Variants in HEG1 observed in about 807,000 individuals in gnomAD.
HEG1 encodes heart development protein with EGF like domains 1, also known as protein HEG homolog 1.
HEG1 carries 56 observed loss-of-function variants against 125.6 expected under a neutral mutation model. The ratio of observed to expected loss-of-function variants is 0.45; its 90% CI spans 0.36 to 0.56. HEG1 has a LOEUF of 0.56. HEG1 is among the 20% of genes least tolerant of loss of function. The pLI is 0.00. For missense variants in HEG1, 1,523 were observed against 1,670.0 expected (o/e 0.91, Z 1.53); for synonymous variants, 644 against 668.5 (o/e 0.96, Z 0.57).
chr3:125,033,877 C>T (rs909136108), intron 1 of HEG1, among the ~76,000 whole-genome samples: 1 of 152,158 alleles, frequency 6.6e-6, no homozygotes, highest in Non-Finnish European at 1.5e-5. Flanking sequence ...TGCGCATGTG[C>T]GAAAGATCTA....
In HEG1 at chr3:124,970,817, A is replaced by G. The variant is rs1444918976; in HGVS notation, c.3997-16T>C. 4.4e-6 allele frequency: 7 copies of G among 1,597,200 alleles called. No homozygotes were observed. Among genetic ancestry groups the G allele is most frequent in the Non-Finnish European group, 6.0e-6 (7 of 1,171,380 alleles). ...CACTTGTAGGCTGGTTGCCAAAGAGAAAAGAAGAAAAGTCAATTTATCATT... is the reference window on the plus strand; with the variant it reads ...CACTTGTAGGCTGGTTGCCAAAGAGGAAAGAAGAAAAGTCAATTTATCATT... On this transcript the variant is annotated splice_polypyrimidine_tract_variant and intron_variant, in intron 16 of 16. Coordinates refer to ENST00000311127, the MANE Select transcript of HEG1 (RefSeq NM_020733.2).
In HEG1 at chr3:124,997,715, A is replaced by T. The variant is rs1457595090; in HGVS notation, c.3626T>A (p.Phe1209Tyr). 1 of 1,591,350 alleles carries T rather than the reference A, an allele frequency of 6.3e-7. No individual in the cohort carries two copies. The highest frequency in any genetic ancestry group is 2.3e-5 in the East Asian group (1 of 44,178). Reference sequence around the variant, plus strand: ...TCGGCAGGAGTGGTCCATCTTGTTGAACTGAAAGTATCCCGACTTGCACTG... The same window carrying T: ...TCGGCAGGAGTGGTCCATCTTGTTGTACTGAAAGTATCCCGACTTGCACTG... ...LCQCKSGYFQFNKMDHSCRAC... is the reference protein window; with the variant it reads ...LCQCKSGYFQYNKMDHSCRAC... Residue 1209 changes from phenylalanine (F) to tyrosine (Y), a missense_variant, in exon 12 of 17, where the codon TTC becomes TAC. Transcript: ENST00000311127.
rs1169474667 is a variant in HEG1, at chr3:125,001,843, C to T, written c.3517+9G>A. On this transcript the variant is annotated intron_variant, in intron 11 of 16. Coordinates refer to ENST00000311127, the MANE Select transcript of HEG1 (RefSeq NM_020733.2). ...TGGGTAGGATCCTCCCAGAGGGCTG[C>T]CCTCTTACCTCTAAAGATCCGCCTC... 1.2e-6 allele frequency: 2 copies of T among 1,610,866 alleles called. No individual in the cohort carries two copies. Among genetic ancestry groups the T allele is most frequent in the East Asian group, 2.2e-5 (1 of 44,826 alleles).
intron 1 of HEG1, among the ~76,000 whole-genome samples, chr3:125,054,217 G>C (rs1447239791): frequency 6.6e-6 from 1 of 152,228 alleles, no homozygotes; most frequent in Non-Finnish European, 1.5e-5. Flanking sequence ...AGCGTATGCT[G>C]TAAGTAATCT....
rs146866682 is a variant in HEG1, at chr3:125,049,288, T to C, written c.316+6287A>G. ...ATGGACCTTCACAGACCTCCACATATGATGCATAAACCATGCTATATTCAG... is the reference window on the plus strand; with the variant it reads ...ATGGACCTTCACAGACCTCCACATACGATGCATAAACCATGCTATATTCAG... On this transcript the variant is annotated intron_variant, in intron 1 of 16. Transcript: ENST00000311127. Among the ~76,000 whole-genome samples the C allele has an allele frequency of 2.0e-3, 298 of 152,284 alleles. 1 individual carries two copies. The highest frequency in any genetic ancestry group is 4.9e-3 in the Admixed American group (75 of 15,304).
rs1345339692 is a variant in HEG1, at chr3:125,013,211, T to C, written c.2368A>G (p.Ile790Val). ...AGGCTTGGTGACTTTGATTCTGTAA[T>C]GACTTTCTCTTGGTGTGGGGTGCTC... ...SQSTPHQEKVITESKSPSLVS... is the reference protein window; with the variant it reads ...SQSTPHQEKVVTESKSPSLVS... Residue 790 changes from isoleucine to valine, a missense_variant, in exon 6 of 17, where the codon ATT (isoleucine) becomes GTT (valine). By Grantham distance (29) the Ile-to-Val change is conservative (BLOSUM62 3). Transcript: ENST00000311127. 1.9e-6 allele frequency: 3 copies of C among 1,614,024 alleles called. No homozygotes were observed. The South Asian group carries it at 3.3e-5, about 18-fold the overall frequency.
chr3:125,005,168 C>G (rs1937054220), intron 9 of HEG1, 97 bp downstream of exon 9: 2 of 709,510 alleles, frequency 2.8e-6, no homozygotes, highest in African/African-American at 3.7e-5. Context: ...GTGAAGAGCC[C>G]AGGAGACACA....
chr3:125,010,618 T>A, intron 6 of HEG1, 63 bp from the exon 7 acceptor site: 1 of 953,918 alleles, frequency 1.0e-6, no homozygotes, highest in Non-Finnish European at 1.6e-6. Flanking sequence ...CAGCTTTAGG[T>A]AAATATTTAA....
intron 12 of HEG1, among the ~76,000 whole-genome samples, chr3:124,992,532 T>A (rs995660267): frequency 6.8e-6 from 1 of 146,756 alleles, no homozygotes; most frequent in African/African-American, 2.5e-5. Context: ...CAATACTTGA[T>A]GGGATGGCAG....
intron 4 of HEG1, among the ~76,000 whole-genome samples, chr3:125,019,980 C>A (rs1233798785): frequency 1.3e-5 from 2 of 152,172 alleles, no homozygotes; most frequent in Non-Finnish European, 2.9e-5. Flanking sequence ...AAACAGTTCT[C>A]ATATGAATAA....
At chr3:125,042,769 G>T (rs1579437796) in intron 1 of HEG1, among the ~76,000 whole-genome samples, 1 of 152,130 alleles carries the variant, frequency 6.6e-6, no homozygotes, top group Admixed American at 6.5e-5. Context: ...TCCTCCGGAT[G>T]AGGGGGATTT....
Position 124,970,537 on chromosome 3 carries a change from G to T in HEG1, c.*115C>A. On this transcript the variant is annotated 3_prime_UTR_variant, in exon 17 of 17. Coordinates refer to ENST00000311127, the MANE Select transcript of HEG1 (RefSeq NM_020733.2). Reference sequence around the variant, plus strand: ...GCCCCGCATGCCTGTCCCTCTTCCTGCTTGCCACTCAGCGTGGCTCCCGAC... The same window carrying T: ...GCCCCGCATGCCTGTCCCTCTTCCTTCTTGCCACTCAGCGTGGCTCCCGAC... 1.1e-6 allele frequency: 1 copy of T among 882,194 alleles called. No homozygotes were observed. Among genetic ancestry groups the T allele is most frequent in the Non-Finnish European group, 1.7e-6 (1 of 580,600 alleles). 54.6% of individuals were successfully genotyped at this position (882,194 alleles called of 1,614,324 possible). A position where few individuals can be genotyped will look rare whatever the true frequency, so the allele number is the denominator to read the frequency against.
chr3:125,040,712 T>C (rs1579436466), intron 1 of HEG1, among the ~76,000 whole-genome samples: 1 of 48,540 alleles, frequency 2.1e-5, no homozygotes, highest in East Asian at 4.8e-4. Context: ...GAAAACAGGC[T>C]TTTTTTTTTT....
chr3:125,055,773 G>A lies in HEG1; in HGVS notation c.118C>T (p.Arg40Cys). The A allele has an allele frequency of 1.0e-6, 1 of 997,124 alleles. No homozygotes were observed. 61.8% of individuals were successfully genotyped at this position (997,124 alleles called of 1,614,324 possible). ...TRDPPPSPAR[R>C]ALSLAPLAGA... The stretch of plus-strand genomic sequence containing the variant: ...GCGAGGGGCGCCAGGCTCAGCGCGC[G>A]GCGAGCCGGGGAAGGCGGCGGGTCC... The change falls in exon 1 of 17, where the codon CGC becomes TGC. Residue 40 changes from arginine (R) to cysteine (C), a missense_variant. Transcript: ENST00000311127.
At chr3:125,004,320 T>C (rs879228677) in intron 9 of HEG1, among the ~76,000 whole-genome samples, 1 of 152,242 alleles carries the variant, frequency 6.6e-6, no homozygotes, top group Non-Finnish European at 1.5e-5. Flanking sequence ...CTCTAAAGTT[T>C]TTTAATGGCA....
At chr3:125,031,080 T>TG (rs564210543) in intron 1 of HEG1, among the ~76,000 whole-genome samples, 1 of 152,082 alleles carries the variant, frequency 6.6e-6, no homozygotes, top group Non-Finnish European at 1.5e-5. Flanking sequence ...AAGTTAAAGT[T>TG]GGGGGTTAAA....
intron 7 of HEG1, 72 bp downstream of exon 7, chr3:125,010,367 G>A: frequency 1.1e-6 from 1 of 870,760 alleles, no homozygotes; most frequent in Admixed American, 2.5e-5. Context: ...CATTTTGGAG[G>A]AAAAAGGAGT....
Position 124,969,795 on chromosome 3 carries a change from C to CA in HEG1, c.*856_*857insT, listed in dbSNP as rs3839075. The CA allele has an allele frequency of 0.68, 102,642 of 152,000 alleles. 35,359 individuals are homozygous for CA. Among genetic ancestry groups the CA allele is most frequent in the African/African-American group, 0.82 (33,855 of 41,444 alleles). The allele number at this position is 152,000 out of a possible 1,614,324, so 9.4% of individuals were successfully genotyped here. ...TGCCTCTGGCCTCCACAATGGTGAT[C>CA]GAGTCCCAGGCCCCAGGCTGGGCCC... is the stretch of plus-strand genomic sequence containing the variant. On this transcript the variant is annotated 3_prime_UTR_variant, in exon 17 of 17. Transcript: ENST00000311127.
At chr3:125,046,062 T>C (rs1405253234) in intron 1 of HEG1, among the ~76,000 whole-genome samples, 1 of 152,120 alleles carries the variant, frequency 6.6e-6, no homozygotes, top group Non-Finnish European at 1.5e-5. Context: ...AATTAAGGCC[T>C]AGGGACATTA....
Sources: allele counts gnomAD v4.1 joint callset (sites outside exome capture counted in the v4.1 genomes callset), GRCh38; gene constraint gnomAD v4.1.1; transcripts MANE v1.5; gene names NCBI Gene and HGNC (gene_info 2026-07-23, HGNC 2026-07-21).